The following CAST variants were observed in gnomAD, a reference collection of about 807,000 sequenced individuals.
CAST encodes the protein MIR583 host.
In CAST, 76 loss-of-function variants were observed where a neutral mutation model predicts 119.6. That is an observed-to-expected ratio of 0.64 (90% CI 0.53 to 0.77). CAST has a LOEUF of 0.77. Ranked by LOEUF, CAST falls within the 30% of genes least tolerant of loss-of-function variation. The pLI, the probability that CAST is intolerant of heterozygous loss-of-function variation, is 0.00. For synonymous variants in CAST, 319 were observed against 331.6 expected, an observed-to-expected ratio of 0.96 and a Z score of 0.41; for missense variants, 953 against 946.5, an observed-to-expected ratio of 1.01 and a Z score of -0.09.
the CAST span, among the ~76,000 whole-genome samples, chr5:96,468,850 C>CT: frequency 3.9e-5 from 6 of 152,146 alleles, no homozygotes; most frequent in East Asian, 1.2e-3. Context: ...AAAAATGTAT[C>CT]TTTCCACTGG....
chr5:96,301,556 G>C, the CAST span, among the ~76,000 whole-genome samples: 2 of 152,162 alleles, frequency 1.3e-5, no homozygotes, highest in African/African-American at 4.8e-5. Context: ...AAGCAAGTTA[G>C]TTATTTCCAA....
the CAST span, among the ~76,000 whole-genome samples, chr5:96,368,088 A>G: frequency 6.6e-6 from 1 of 151,834 alleles, no homozygotes; most frequent in Non-Finnish European, 1.5e-5. Flanking sequence ...TCATAACTGA[A>G]CCTTATAGTA....
chr5:96,391,961 CTT>C, the CAST span: 1 of 152,060 alleles, frequency 6.6e-6, no homozygotes, highest in Non-Finnish European at 1.5e-5. Flanking sequence ...TGGAGAAGAA[CTT>C]TTAGTATCAA....
At chr5:96,364,024 A>T in the CAST span, among the ~76,000 whole-genome samples, 3 of 152,080 alleles carry the variant, frequency 2.0e-5, no homozygotes, top group South Asian at 4.1e-4. Flanking sequence ...CCTAATTTAT[A>T]GAGAGTTTTT....
At chr5:96,361,400 A>G in the CAST span, among the ~76,000 whole-genome samples, 1 of 152,086 alleles carries the variant, frequency 6.6e-6, no homozygotes, top group Non-Finnish European at 1.5e-5. Context: ...TCCTGCAGCT[A>G]GCTCAGTGTC....
At chr5:95,969,275 C>T in the CAST span, among the ~76,000 whole-genome samples, 2 of 151,986 alleles carry the variant, frequency 1.3e-5, no homozygotes, top group Non-Finnish European at 2.9e-5. Context: ...TGGAGGCTTC[C>T]GAACAGGAAG....
chr5:96,688,353 C>T (rs1344610870), intron 2 of CAST, among the ~76,000 whole-genome samples: 1 of 152,080 alleles, frequency 6.6e-6, no homozygotes, highest in Non-Finnish European at 1.5e-5. Context: ...TAAGAAAAGC[C>T]TTTTTGACCC....
chr5:96,016,911 A>C, the CAST span, among the ~76,000 whole-genome samples: 1 of 128,216 alleles, frequency 7.8e-6, no homozygotes, highest in East Asian at 2.3e-4. Flanking sequence ...ATCTTGGTTT[A>C]CTGCAAGCTC....
the CAST span, among the ~76,000 whole-genome samples, chr5:96,367,508 C>G: frequency 6.6e-6 from 1 of 151,214 alleles, no homozygotes; most frequent in South Asian, 2.2e-4. Flanking sequence ...TTTACCTACT[C>G]AAGCCTCAGC....
chr5:96,643,710 T>C (rs542498010), intron 1 of CAST, among the ~76,000 whole-genome samples: 5 of 152,092 alleles, frequency 3.3e-5, no homozygotes, highest in Admixed American at 2.0e-4. Flanking sequence ...TTGTCTCTAC[T>C]AAAAATATAA....
intron 1 of CAST, among the ~76,000 whole-genome samples, chr5:96,556,704 C>G (rs1345892238): frequency 2.6e-5 from 4 of 152,112 alleles, no homozygotes; most frequent in Non-Finnish European, 5.9e-5. Context: ...AAATATGGGA[C>G]TATGTGAAAA....
the CAST span, among the ~76,000 whole-genome samples, chr5:96,442,450 A>G: frequency 6.6e-6 from 1 of 152,246 alleles, no homozygotes; most frequent in Admixed American, 6.5e-5. Flanking sequence ...TACACTCAGA[A>G]GCCCTATGTT....
chr5:96,624,956 T>C (rs1747690694), intron 1 of CAST, among the ~76,000 whole-genome samples: 1 of 152,236 alleles, frequency 6.6e-6, no homozygotes, highest in African/African-American at 2.4e-5. Flanking sequence ...GTCCTTGGCA[T>C]TGTTGCTATT....
the CAST span, among the ~76,000 whole-genome samples, chr5:96,189,339 A>G: frequency 6.6e-6 from 1 of 152,126 alleles, no homozygotes; most frequent in East Asian, 1.9e-4. Context: ...GCTTGTCCTC[A>G]GATTTGATTG....
At chr5:96,239,069 C>T in the CAST span, among the ~76,000 whole-genome samples, 2 of 152,072 alleles carry the variant, frequency 1.3e-5, no homozygotes, top group African/African-American at 2.4e-5. Flanking sequence ...TATATCCTGG[C>T]ACCATTGGCT....
the CAST span, among the ~76,000 whole-genome samples, chr5:96,469,870 TA>T: frequency 9.5e-6 from 1 of 105,718 alleles, no homozygotes; most frequent in Non-Finnish European, 1.9e-5. Flanking sequence ...TGTGTGTATA[TA>T]TATATATAAT....
chr5:96,218,636 T>A, the CAST span, among the ~76,000 whole-genome samples: 1 of 152,228 alleles, frequency 6.6e-6, no homozygotes, highest in South Asian at 2.1e-4. Context: ...AGCACTCTTT[T>A]ATATTGCCGA....
At chr5:96,245,925 G>A in the CAST span, among the ~76,000 whole-genome samples, 1,075 of 152,192 alleles carry the variant, frequency 7.1e-3, 11 homozygotes, top group African/African-American at 0.025. Context: ...TGTTCACAGC[G>A]CAGGACCCGG....
chr5:96,381,610 C>T, the CAST span, among the ~76,000 whole-genome samples: 5 of 152,192 alleles, frequency 3.3e-5, no homozygotes, highest in Non-Finnish European at 5.9e-5. Flanking sequence ...AAAAACACAG[C>T]TTTCAAAAGC....
Sources: gnomAD v4.1 joint callset for allele counts (sites outside exome capture counted in the v4.1 genomes callset) on GRCh38, gnomAD v4.1.1 for gene constraint, MANE v1.5 for transcripts, NCBI Gene and HGNC (gene_info 2026-07-23, HGNC 2026-07-21) for gene names.